HDDC2: variants seen among roughly 807,000 people sequenced by gnomAD.
HDDC2 encodes the protein 5'-deoxynucleotidase HDDC2.
Under a neutral mutation model 25.5 loss-of-function variants are expected in HDDC2, and 25 were observed. That is an observed-to-expected ratio of 0.98 (90% CI 0.72 to 1.37). The LOEUF (loss-of-function observed/expected upper bound fraction) is 1.37, where lower values mean the gene tolerates loss of function less well. Among genes scored for constraint, HDDC2 ranks in the 40% most tolerant of loss-of-function variants. The pLI is 0.00. For synonymous variants in HDDC2, 106 were observed against 89.7 expected, an observed-to-expected ratio of 1.18 and a Z score of -1.03; for missense variants, 264 against 253.1, an observed-to-expected ratio of 1.04 and a Z score of -0.29.
chr6:125,290,108 A>G (rs9491369), intron 4 of HDDC2, among the ~76,000 whole-genome samples: 29,958 of 152,168 alleles, frequency 0.2, 3,341 homozygotes, highest in African/African-American at 0.31. Context: ...AAAACCAATC[A>G]ACTGTCATTT....
rs527265941 is a variant in HDDC2, at chr6:125,285,279, G to A, written c.378+7562C>T. Among the ~76,000 whole-genome samples the A allele has an allele frequency of 8.0e-4, 121 of 151,886 alleles. 1 individual carries two copies. The highest frequency in any genetic ancestry group is 1.5e-3 in the Non-Finnish European group (103 of 67,990). On this transcript the variant is annotated intron_variant, in intron 4 of 5. Coordinates refer to ENST00000398153, the MANE Select transcript of HDDC2 (RefSeq NM_016063.3). ...GTATACCTAGGTAACAAACCTGCACGTTCTGCACATGTATCCCAGAACTTA... is the reference window on the plus strand; with the variant it reads ...GTATACCTAGGTAACAAACCTGCACATTCTGCACATGTATCCCAGAACTTA...
At position 125,292,802 on chromosome 6, in the gene HDDC2, G is replaced by C. The variant is rs770675915; in HGVS notation, c.378+39C>G. On this transcript the variant is annotated intron_variant, in intron 4 of 5. Coordinates refer to ENST00000398153, the MANE Select transcript of HDDC2 (RefSeq NM_016063.3). The stretch of plus-strand genomic sequence containing the variant: ...AACATCAGGGAGCCATATAAATTCA[G>C]ATACAAATTAAAAACAGTAACGTAC... 3.4e-6 allele frequency: 5 copies of C among 1,457,320 alleles called. No individual in the cohort carries two copies. The South Asian group carries it at 5.7e-5, about 17-fold the overall frequency. The allele number at this position is 1,457,320 out of a possible 1,614,324, so 90.3% of individuals were successfully genotyped here. A position where few individuals can be genotyped will look rare whatever the true frequency, so the allele number is the denominator to read the frequency against.
intron 3 of HDDC2, among the ~76,000 whole-genome samples, chr6:125,297,021 GCCTTCTCTTCA>G (rs1395390563): frequency 6.6e-6 from 1 of 152,104 alleles, no homozygotes; most frequent in African/African-American, 2.4e-5. Context: ...ATTTTTCCTT[GCCTTCTCTTCA>G]CCTTAAGGTC....
chr6:125,300,680 A>C (rs1461134078), intron 1 of HDDC2, 21 bp from the exon 2 acceptor site: 1 of 1,608,688 alleles, frequency 6.2e-7, no homozygotes. Flanking sequence ...TGAAGAAGAA[A>C]AAGAAGTTTT....
At chr6:125,277,422 G>T (rs1562432972) in intron 4 of HDDC2, 182 bp from the exon 5 acceptor site, 1 of 572,438 alleles carries the variant, frequency 1.7e-6, no homozygotes, top group East Asian at 2.9e-5. Context: ...CCTAACACCA[G>T]GACTCTATAC....
At chr6:125,299,686 T>C (rs776644702) in intron 2 of HDDC2, among the ~76,000 whole-genome samples, 19 of 152,312 alleles carry the variant, frequency 1.2e-4, no homozygotes, top group Non-Finnish European at 2.1e-4. Context: ...ATTTTCACCT[T>C]GTACCATTTG....
intron 4 of HDDC2, among the ~76,000 whole-genome samples, chr6:125,288,470 G>C (rs1390036439): frequency 6.6e-6 from 1 of 152,100 alleles, no homozygotes; most frequent in Non-Finnish European, 1.5e-5. Flanking sequence ...AGCAACAGAG[G>C]GACAAGGAGT....
At chr6:125,288,390 C>G (rs1449738354) in intron 4 of HDDC2, among the ~76,000 whole-genome samples, 1 of 152,102 alleles carries the variant, frequency 6.6e-6, no homozygotes, top group East Asian at 1.9e-4. Flanking sequence ...CCCCACGGCA[C>G]AGAGTCTCTG....
intron 4 of HDDC2, among the ~76,000 whole-genome samples, chr6:125,286,833 G>A (rs967800143): frequency 2.6e-5 from 4 of 152,130 alleles, no homozygotes; most frequent in African/African-American, 9.7e-5. Context: ...AGATGAGAGT[G>A]AAGCACAAAA....
At chr6:125,277,285 T>C in intron 4 of HDDC2, 45 bp from the exon 5 acceptor site, 5 of 1,587,580 alleles carry the variant, frequency 3.1e-6, no homozygotes, top group Non-Finnish European at 3.4e-6. Context: ...CGCTGCATAA[T>C]AGGGTATCCT....
At chr6:125,289,521 A>C (rs868615245) in intron 4 of HDDC2, among the ~76,000 whole-genome samples, 1,050 of 100,154 alleles carry the variant, frequency 0.01, 23 homozygotes, top group African/African-American at 0.056. Context: ...AAAACAAAAA[A>C]AACAAAAAAA....
chr6:125,289,457 T>G (rs1343390605), intron 4 of HDDC2, among the ~76,000 whole-genome samples: 14 of 134,440 alleles, frequency 1.0e-4, no homozygotes, highest in Non-Finnish European at 2.2e-4. Flanking sequence ...AATGTGCACA[T>G]GTACCCTAAA....
At chr6:125,280,464 A>G (rs551242298) in intron 4 of HDDC2, among the ~76,000 whole-genome samples, 1 of 152,316 alleles carries the variant, frequency 6.6e-6, no homozygotes, top group Non-Finnish European at 1.5e-5. Context: ...ACCTCCACAG[A>G]GCCCAGCAAG....
Position 125,297,461 on chromosome 6 carries a change from C to T in HDDC2, c.309+1253G>A, listed in dbSNP as rs1424854579. On this transcript the variant is annotated intron_variant, in intron 3 of 5. Coordinates refer to ENST00000398153, the MANE Select transcript of HDDC2 (RefSeq NM_016063.3). ...GTTGGAACTCTTAAACTGGGACTCT[C>T]GTTCCTTGTGGCTCTTCTTACCTTT... 2.8e-5 allele frequency: 11 copies of T among 397,846 alleles called. No individual in the cohort carries two copies. The East Asian group carries it at 3.6e-4, about 13-fold the overall frequency. 24.6% of individuals were successfully genotyped at this position (397,846 alleles called of 1,614,324 possible). A position where few individuals can be genotyped will look rare whatever the true frequency, so the allele number is the denominator to read the frequency against.
intron 4 of HDDC2, among the ~76,000 whole-genome samples, chr6:125,292,030 G>C (rs928214184): frequency 6.6e-6 from 1 of 152,076 alleles, no homozygotes; most frequent in Non-Finnish European, 1.5e-5. Context: ...GCCTGAGTAA[G>C]GAAGTAGAAA....
intron 4 of HDDC2, among the ~76,000 whole-genome samples, chr6:125,283,420 T>C (rs1340321372): frequency 6.6e-6 from 1 of 152,186 alleles, no homozygotes; most frequent in African/African-American, 2.4e-5. Flanking sequence ...GAAAACCCCA[T>C]TGTCTCAGCC....
chr6:125,296,972 T>C (rs1325980627), intron 3 of HDDC2, among the ~76,000 whole-genome samples: 1 of 152,238 alleles, frequency 6.6e-6, no homozygotes, highest in East Asian at 1.9e-4. Context: ...ATTCACTGTG[T>C]GCTTCCAGAG....
intron 4 of HDDC2, among the ~76,000 whole-genome samples, chr6:125,284,188 A>G (rs1052303236): frequency 6.6e-6 from 1 of 152,218 alleles, no homozygotes; most frequent in Non-Finnish European, 1.5e-5. Context: ...ATTTAAACGT[A>G]AGACCTAAAA....
intron 3 of HDDC2, among the ~76,000 whole-genome samples, chr6:125,295,215 T>A (rs1798691705): frequency 6.6e-6 from 1 of 152,180 alleles, no homozygotes; most frequent in Admixed American, 6.5e-5. Context: ...AGTCATAGAT[T>A]TAGAGTGACA....
Sources: allele counts gnomAD v4.1 joint callset (sites outside exome capture counted in the v4.1 genomes callset), GRCh38; gene constraint gnomAD v4.1.1; transcripts MANE v1.5; gene names NCBI Gene and HGNC (gene_info 2026-07-23, HGNC 2026-07-21).